The following KIRREL3 variants were observed in gnomAD, a reference collection of about 807,000 sequenced individuals.
KIRREL3 encodes the protein kirre like nephrin family adhesion molecule 3, also known as kin of IRRE-like protein 3.
A neutral mutation model predicts 89.7 loss-of-function variants in KIRREL3; 36 were observed. The observed-to-expected ratio is 0.40, with a 90% CI of 0.31 to 0.53. The LOEUF (loss-of-function observed/expected upper bound fraction) is 0.53. Among genes scored for constraint, KIRREL3 ranks in the 20% least tolerant of loss-of-function variants. The probability of loss-of-function intolerance (pLI) is 0.49; values close to 1 mark genes in which losing one functional copy is unlikely to be tolerated. For synonymous variants in KIRREL3, 445 were observed against 441.4 expected, an observed-to-expected ratio of 1.01 and a Z score of -0.10; for missense variants, 864 against 1,056.6, an observed-to-expected ratio of 0.82 and a Z score of 2.53.
chr11:126,439,767 G>A (rs1165695812), intron 11 of KIRREL3, among the ~76,000 whole-genome samples: 6 of 151,312 alleles, frequency 4.0e-5, no homozygotes, highest in Non-Finnish European at 1.5e-5. Flanking sequence ...GCAGTGAGCC[G>A]AGATTGTGTC....
Position 126,870,118 on chromosome 11 carries a change from T to C in KIRREL3, c.55+130337A>G, listed in dbSNP as rs1165376268. 2.0e-5 allele frequency among the ~76,000 whole-genome samples: 3 copies of C among 152,198 alleles called. No individual in the cohort carries two copies. Among genetic ancestry groups the C allele is most frequent in the Non-Finnish European group, 4.4e-5 (3 of 68,032 alleles). On this transcript the variant is annotated intron_variant, in intron 1 of 16. Transcript: ENST00000525144. The surrounding 1 kb of genome is among the most constrained non-coding windows in gnomAD (Gnocchi z 4.4). ...TTGAATCAGGGGCCCATGAGCACTG[T>C]GATTAATGACCAGGAGTGAGTGTGG... is the stretch of plus-strand genomic sequence containing the variant.
At position 126,940,292 on chromosome 11, in the gene KIRREL3, G is replaced by T. The variant is rs987698260; in HGVS notation, c.55+60163C>A. ...TAAATATATCCTTTTTTTCTAGATT[G>T]GAAAAACAATAGTTGTTTCTTTTTT... On this transcript the variant is annotated intron_variant, in intron 1 of 16. Coordinates refer to ENST00000525144, the MANE Select transcript of KIRREL3 (RefSeq NM_032531.4). The surrounding 1 kb of genome is among the most constrained non-coding windows in gnomAD (Gnocchi z 4.6). Among the ~76,000 whole-genome samples, 1 of 151,870 alleles carries T rather than the reference G, an allele frequency of 6.6e-6. No homozygotes were observed. The highest frequency in any genetic ancestry group is 2.4e-5 in the African/African-American group (1 of 41,334).
rs928564463 is a variant in KIRREL3, at chr11:126,912,651, G to T, written c.55+87804C>A. Among the ~76,000 whole-genome samples the T allele has an allele frequency of 3.3e-5, 5 of 152,244 alleles. No individual in the cohort carries two copies. Among genetic ancestry groups the T allele is most frequent in the African/African-American group, 7.2e-5 (3 of 41,462 alleles). ...ACCTTCCTTCAAGAGGCCATGCTGG[G>T]TAGCAATGGGGCTCCTGCCCCTGCT... is the stretch of plus-strand genomic sequence containing the variant. On this transcript the variant is annotated intron_variant, in intron 1 of 16. Transcript: ENST00000525144. The surrounding 1 kb of genome is among the most constrained non-coding windows in gnomAD (Gnocchi z 4.7).
rs1293285123 is a variant in KIRREL3 at position 126,553,596 on chromosome 11, A to T, written c.133+9239T>A. On this transcript the variant is annotated intron_variant, in intron 2 of 16. Coordinates refer to ENST00000525144, the MANE Select transcript of KIRREL3 (RefSeq NM_032531.4). The surrounding 1 kb of genome is among the most constrained non-coding windows in gnomAD (Gnocchi z 4.7). Reference sequence around the variant, plus strand: ...TGAGCCCAGGTGGCCACCTCAAGGGAGCAGCTGGGGCTATCTGCGTGTCGA... The same window carrying T: ...TGAGCCCAGGTGGCCACCTCAAGGGTGCAGCTGGGGCTATCTGCGTGTCGA... Among the ~76,000 whole-genome samples the T allele has an allele frequency of 6.6e-6, 1 of 152,194 alleles. No homozygotes were observed. Among genetic ancestry groups the T allele is most frequent in the Non-Finnish European group, 1.5e-5 (1 of 68,034 alleles).
chr11:126,619,344 T>C (rs868081112), intron 1 of KIRREL3, among the ~76,000 whole-genome samples: 2 of 152,148 alleles, frequency 1.3e-5, no homozygotes, highest in Non-Finnish European at 2.9e-5. Context: ...TGGGAGGAGA[T>C]GAGCCCAGAG....
chr11:126,628,003 C>G lies in KIRREL3; in HGVS notation c.56-65091G>C, dbSNP rs547289335. Among the ~76,000 whole-genome samples, 1 of 152,248 alleles carries G rather than the reference C, an allele frequency of 6.6e-6. No homozygotes were observed. The highest frequency in any genetic ancestry group is 1.5e-5 in the Non-Finnish European group (1 of 68,048). Reference sequence around the variant, plus strand: ...CAGGAATGATCCCAGCTCTACCTATCCTGAAGTTTGTTGAGTGGTTCTAAT... The same window carrying G: ...CAGGAATGATCCCAGCTCTACCTATGCTGAAGTTTGTTGAGTGGTTCTAAT... On this transcript the variant is annotated intron_variant, in intron 1 of 16. Transcript: ENST00000525144. This position sits in a 1 kb window ranked among gnomAD's most constrained non-coding sequence, Gnocchi z 5.2.
rs558716870 is a variant in KIRREL3, at chr11:126,432,299, C to G, written c.1589-773G>C. ...CCTGCTGAGTCTCTGTGGCCTGTCTCCTGCCCAAGCCGAGTGGGGGTAGGG... is the reference window on the plus strand; with the variant it reads ...CCTGCTGAGTCTCTGTGGCCTGTCTGCTGCCCAAGCCGAGTGGGGGTAGGG... On this transcript the variant is annotated intron_variant, in intron 13 of 16. Transcript: ENST00000525144. This position sits in a 1 kb window ranked among gnomAD's most constrained non-coding sequence, Gnocchi z 6.2. 3.3e-5 allele frequency among the ~76,000 whole-genome samples: 5 copies of G among 152,268 alleles called. No individual in the cohort carries two copies. The South Asian group carries it at 1.0e-3, about 32-fold the overall frequency.
chr11:126,921,261 C>G (rs1947263310), intron 1 of KIRREL3, among the ~76,000 whole-genome samples: 2 of 152,180 alleles, frequency 1.3e-5, no homozygotes, highest in Admixed American at 1.3e-4. Context: ...GTTCTGATGA[C>G]CTTGGGCATG....
chr11:126,990,361 C>A lies in KIRREL3; in HGVS notation c.55+10094G>T, dbSNP rs1259730622. On this transcript the variant is annotated intron_variant, in intron 1 of 16. Coordinates refer to ENST00000525144, the MANE Select transcript of KIRREL3 (RefSeq NM_032531.4). This position sits in a 1 kb window ranked among gnomAD's most constrained non-coding sequence, Gnocchi z 6.3. The stretch of plus-strand genomic sequence containing the variant: ...CCTGCAGAATCAGGAGAGAGGAACC[C>A]GCCTCCTGCGAGAGCCGCCGCCATC... Among the ~76,000 whole-genome samples the A allele has an allele frequency of 1.3e-5, 2 of 152,166 alleles. No individual in the cohort carries two copies. Among genetic ancestry groups the A allele is most frequent in the Admixed American group, 6.5e-5 (1 of 15,280 alleles).
Position 126,449,104 on chromosome 11 carries a change from G to T in KIRREL3, c.902C>A (p.Thr301Asn). The T allele has an allele frequency of 6.2e-7, 1 of 1,614,018 alleles. No homozygotes were observed. The change falls in exon 8 of 17, where the codon ACC (threonine) becomes AAC (asparagine). Residue 301 changes from threonine to asparagine, a missense_variant. By Grantham distance (65) the Thr-to-Asn change is moderately conservative. Transcript: ENST00000525144. ...TGAGAAGTACGTGTAGTCCACTGTG[G>T]TCCTGTACACCTCTCCAGATGCCTC... ...IKEASGEVYRTTVDYTYFSEP... is the reference protein window; with the variant it reads ...IKEASGEVYRNTVDYTYFSEP...
chr11:126,893,709 C>A (rs1032819059), intron 1 of KIRREL3, among the ~76,000 whole-genome samples: 1 of 152,344 alleles, frequency 6.6e-6, no homozygotes, highest in South Asian at 2.1e-4. Context: ...CCCTCTCCCA[C>A]GTCTGAATGC....
rs192417125 is a variant in KIRREL3, at chr11:126,428,793, C to T, written c.1806+386G>A. ...TCCCAAGTAGCTGGGATTACAGGCGCCCGCCACCACGCCCAGCTAATTTTT... is the reference window on the plus strand; with the variant it reads ...TCCCAAGTAGCTGGGATTACAGGCGTCCGCCACCACGCCCAGCTAATTTTT... On this transcript the variant is annotated intron_variant, in intron 15 of 16. Coordinates refer to ENST00000525144, the MANE Select transcript of KIRREL3 (RefSeq NM_032531.4). The surrounding 1 kb of genome is among the most constrained non-coding windows in gnomAD (Gnocchi z 6.4). 1.1e-4 allele frequency among the ~76,000 whole-genome samples: 17 copies of T among 152,224 alleles called. No individual in the cohort carries two copies. In the East Asian group the frequency reaches 3.3e-3, roughly 30 times the overall value.
chr11:126,658,764 C>T (rs1425764447), intron 1 of KIRREL3, among the ~76,000 whole-genome samples: 2 of 152,192 alleles, frequency 1.3e-5, no homozygotes, highest in Non-Finnish European at 2.9e-5. Context: ...CCGCCAGACC[C>T]TGCTTGATTC....
chr11:126,590,783 T>A (rs1489250516), intron 1 of KIRREL3, among the ~76,000 whole-genome samples: 1 of 152,114 alleles, frequency 6.6e-6, no homozygotes, highest in Non-Finnish European at 1.5e-5. Context: ...CTAGATACCT[T>A]GGTAGCGGGA....
chr11:126,492,811 C>G lies in KIRREL3; in HGVS notation c.434-19345G>C, dbSNP rs536950700. 9.9e-5 allele frequency among the ~76,000 whole-genome samples: 15 copies of G among 152,116 alleles called. No individual in the cohort carries two copies. The highest frequency in any genetic ancestry group is 1.8e-4 in the Non-Finnish European group (12 of 68,024). On this transcript the variant is annotated intron_variant, in intron 4 of 16. Coordinates refer to ENST00000525144, the MANE Select transcript of KIRREL3 (RefSeq NM_032531.4). The surrounding 1 kb of genome is among the most constrained non-coding windows in gnomAD (Gnocchi z 4.8). ...CCCCGAGACCCAGCTCTTTCCTCCTCTTGGATGCTCTGGAGAGGGAGGGGG... is the reference window on the plus strand; with the variant it reads ...CCCCGAGACCCAGCTCTTTCCTCCTGTTGGATGCTCTGGAGAGGGAGGGGG...
At chr11:127,003,203 A>G (rs752521689), upstream of KIRREL3, 6 of 152,154 alleles carry the variant, frequency 3.9e-5, no homozygotes, top group Non-Finnish European at 7.3e-5. Flanking sequence ...GTGCCGGAAA[A>G]CCCACGGCAA....
chr11:126,468,070 C>G lies in KIRREL3; in HGVS notation c.592-4763G>C, dbSNP rs145754289. Reference sequence around the variant, plus strand: ...AAGGGGCTCCAAGCAGACACAGACACGACTGTGCGTGCTAAGACCTTGCAA... The same window carrying G: ...AAGGGGCTCCAAGCAGACACAGACAGGACTGTGCGTGCTAAGACCTTGCAA... On this transcript the variant is annotated intron_variant, in intron 5 of 16. Coordinates refer to ENST00000525144, the MANE Select transcript of KIRREL3 (RefSeq NM_032531.4). Among the ~76,000 whole-genome samples the G allele has an allele frequency of 4.6e-5, 7 of 152,312 alleles. No individual in the cohort carries two copies. The South Asian group carries it at 1.0e-3, about 23-fold the overall frequency.
rs934607820 is a variant in KIRREL3 at position 126,666,820 on chromosome 11, A to G, written c.56-103908T>C. Among the ~76,000 whole-genome samples, 6 of 152,212 alleles carry G rather than the reference A, an allele frequency of 3.9e-5. No homozygotes were observed. Among genetic ancestry groups the G allele is most frequent in the African/African-American group, 1.2e-4 (5 of 41,464 alleles). On this transcript the variant is annotated intron_variant, in intron 1 of 16. Transcript: ENST00000525144. This position sits in a 1 kb window ranked among gnomAD's most constrained non-coding sequence, Gnocchi z 4.2. ...AGTCACTGAGTTTCTCTGTTGATCA[A>G]TCACCATTGCTGGTACAGGTATATT...
At chr11:126,586,624 A>T (rs1941872725) in intron 1 of KIRREL3, among the ~76,000 whole-genome samples, 1 of 152,118 alleles carries the variant, frequency 6.6e-6, no homozygotes, top group African/African-American at 2.4e-5. Flanking sequence ...CAGAAGTCAG[A>T]GTTGAACTCG....
Sources: gnomAD v4.1 joint callset for allele counts (sites outside exome capture counted in the v4.1 genomes callset) on GRCh38, gnomAD v4.1.1 for gene constraint, Gnocchi (gnomAD v3.1) non-coding constraint, MANE v1.5 for transcripts, NCBI Gene and HGNC (gene_info 2026-07-23, HGNC 2026-07-21) for gene names.